The following HTR7 variants were observed in gnomAD, a reference collection of about 807,000 sequenced individuals.
HTR7 encodes 5-HT-7.
HTR7 carries 16 observed loss-of-function variants against 34.0 expected under a neutral mutation model. The observed-to-expected ratio is 0.47, with a 90% CI of 0.32 to 0.71. HTR7 has a LOEUF of 0.71. Among genes scored for constraint, HTR7 ranks in the 30% least tolerant of loss-of-function variants. The probability of loss-of-function intolerance (pLI) is 0.04; values close to 1 mark genes in which losing one functional copy is unlikely to be tolerated. For synonymous variants in HTR7, 265 were observed against 260.2 expected (o/e 1.02, Z -0.18); for missense variants, 504 against 625.5 (o/e 0.81, Z 2.07).
At chr10:90,802,996 CTT>C (rs35715510) in intron 1 of HTR7, among the ~76,000 whole-genome samples, 9 of 89,008 alleles carry the variant, frequency 1.0e-4, no homozygotes, top group East Asian at 3.3e-4. Flanking sequence ...CATTTGTGGC[CTT>C]TTTTTTTTTT....
rs11814961 is a variant in HTR7 at position 90,855,037 on chromosome 10, T to C, written c.539+2096A>G. 1.6e-3 allele frequency among the ~76,000 whole-genome samples: 251 copies of C among 152,376 alleles called. 2 individuals carry two copies. Among genetic ancestry groups the C allele is most frequent in the African/African-American group, 5.7e-3 (236 of 41,590 alleles). On this transcript the variant is annotated intron_variant, in intron 1 of 3. Coordinates refer to ENST00000336152, the MANE Select transcript of HTR7 (RefSeq NM_019859.4). ...TCTCATTTTTAGTTCTCAGTGTTCTTGGAAGAAAATCAGTCTGTGTCTTCC... is the reference window on the plus strand; with the variant it reads ...TCTCATTTTTAGTTCTCAGTGTTCTCGGAAGAAAATCAGTCTGTGTCTTCC...
At chr10:90,829,579 CTTTTTG>C (rs2120044145) in intron 1 of HTR7, among the ~76,000 whole-genome samples, 1 of 152,152 alleles carries the variant, frequency 6.6e-6, no homozygotes, top group East Asian at 1.9e-4. Context: ...AGGATCCCCA[CTTTTTG>C]CCACTGTTAT....
At chr10:90,854,763 C>T (rs1846554243) in intron 1 of HTR7, among the ~76,000 whole-genome samples, 1 of 152,080 alleles carries the variant, frequency 6.6e-6, no homozygotes, top group Admixed American at 6.5e-5. Flanking sequence ...GCTAAATGCC[C>T]AACAGATATC....
chr10:90,758,199 G>C lies in HTR7; in HGVS notation c.540-8605C>G, dbSNP rs183674789. On this transcript the variant is annotated intron_variant, in intron 1 of 3. Transcript: ENST00000336152. ...GTCTCTACTAAAAATACAAAAATTA[G>C]CTGGGCGTGGTGGCGCTGGCCTGTA... Among the ~76,000 whole-genome samples, 23 of 151,994 alleles carry C rather than the reference G, an allele frequency of 1.5e-4. 1 individual carries two copies. The East Asian group carries it at 4.4e-3, about 29-fold the overall frequency.
At chr10:90,801,175 G>A (rs1378510899) in intron 1 of HTR7, among the ~76,000 whole-genome samples, 3 of 152,198 alleles carry the variant, frequency 2.0e-5, no homozygotes, top group Non-Finnish European at 4.4e-5. Flanking sequence ...TCCAGGTAAG[G>A]AGCTGGTTTG....
intron 1 of HTR7, among the ~76,000 whole-genome samples, chr10:90,773,969 T>C (rs746374608): frequency 6.6e-6 from 1 of 152,170 alleles, no homozygotes; most frequent in Non-Finnish European, 1.5e-5. Context: ...TATTTTTTTT[T>C]CCGATCTGCC....
At chr10:90,817,474 C>T (rs893829494) in intron 1 of HTR7, among the ~76,000 whole-genome samples, 1 of 152,134 alleles carries the variant, frequency 6.6e-6, no homozygotes, top group African/African-American at 2.4e-5. Flanking sequence ...TCCTCTATTC[C>T]CATTTTCTTC....
chr10:90,822,368 G>C (rs893896948), intron 1 of HTR7, among the ~76,000 whole-genome samples: 1 of 152,216 alleles, frequency 6.6e-6, no homozygotes, highest in African/African-American at 2.4e-5. Context: ...CTGCCCTAGA[G>C]ATCTGTGGAA....
intron 1 of HTR7, among the ~76,000 whole-genome samples, chr10:90,794,963 T>C (rs1845516396): frequency 6.6e-6 from 1 of 152,236 alleles, no homozygotes; most frequent in Non-Finnish European, 1.5e-5. Context: ...CATAATCTTA[T>C]GGAACCACTG....
intron 1 of HTR7, among the ~76,000 whole-genome samples, chr10:90,818,558 A>C (rs1845932596): frequency 6.6e-6 from 1 of 151,972 alleles, no homozygotes; most frequent in Non-Finnish European, 1.5e-5. Flanking sequence ...AAAAAGAAAA[A>C]AAGTGAGTTT....
chr10:90,766,445 C>A lies in HTR7; in HGVS notation c.540-16851G>T, dbSNP rs570485382. 2.6e-5 allele frequency among the ~76,000 whole-genome samples: 4 copies of A among 152,294 alleles called. No individual in the cohort carries two copies. In the South Asian group the frequency reaches 8.3e-4, roughly 32 times the overall value. On this transcript the variant is annotated intron_variant, in intron 1 of 3. Coordinates refer to ENST00000336152, the MANE Select transcript of HTR7 (RefSeq NM_019859.4). ...AAAGCTCAAGTGAGTCTCTTGTAGG[C>A]AGCATGTTATTGGCTCTTATTTTTT...
chr10:90,792,128 T>G (rs1845468546), intron 1 of HTR7, among the ~76,000 whole-genome samples: 1 of 152,188 alleles, frequency 6.6e-6, no homozygotes, highest in Non-Finnish European at 1.5e-5. Flanking sequence ...AAGTTCATTA[T>G]ACAATCTCTG....
intron 1 of HTR7, among the ~76,000 whole-genome samples, chr10:90,764,531 T>C (rs976839530): frequency 6.6e-6 from 1 of 152,196 alleles, no homozygotes; most frequent in Admixed American, 6.5e-5. Flanking sequence ...TAGTTCTTAG[T>C]TTTTGGCAGA....
chr10:90,799,169 G>A (rs1461190236), intron 1 of HTR7, among the ~76,000 whole-genome samples: 3 of 152,036 alleles, frequency 2.0e-5, no homozygotes, highest in Admixed American at 6.6e-5. Flanking sequence ...GCAAGAAGAC[G>A]GCTTCAACTC....
chr10:90,856,926 C>T (rs1016814465), intron 1 of HTR7, among the ~76,000 whole-genome samples: 1 of 152,160 alleles, frequency 6.6e-6, no homozygotes, highest in African/African-American at 2.4e-5. Flanking sequence ...CAGAACATTT[C>T]CGGTTTTTCT....
At chr10:90,806,321 G>T (rs1845705645) in intron 1 of HTR7, among the ~76,000 whole-genome samples, 1 of 152,198 alleles carries the variant, frequency 6.6e-6, no homozygotes, top group Non-Finnish European at 1.5e-5. Context: ...AAGGTAGGCT[G>T]GGCGCGGTGG....
At chr10:90,812,941 T>C (rs1348502778) in intron 1 of HTR7, among the ~76,000 whole-genome samples, 4 of 152,124 alleles carry the variant, frequency 2.6e-5, no homozygotes, top group South Asian at 2.1e-4. Flanking sequence ...CTGATGACAT[T>C]CCACCACAAA....
chr10:90,770,278 C>T (rs1697510469), intron 1 of HTR7, among the ~76,000 whole-genome samples: 1 of 152,204 alleles, frequency 6.6e-6, no homozygotes. Context: ...CTGGGGGCCA[C>T]TGCGACAGGG....
chr10:90,857,585 G>A lies in HTR7; in HGVS notation c.87C>T (p.Pro29=). Residue 29 remains proline, a synonymous_variant, in exon 1 of 4, where the codon CCC becomes CCT. Transcript: ENST00000336152. This position sits in a 1 kb window ranked among gnomAD's most constrained non-coding sequence, Gnocchi z 6.5. ...FLLPEVGRGL[P]DLSPDGGADP... ...CGGCGCCACCGTCGGGGCTCAAGTC[G>A]GGCAGCCCGCGCCCCACTTCTGGCA... The A allele has an allele frequency of 1.3e-6, 2 of 1,594,488 alleles. No individual in the cohort carries two copies. The highest frequency in any genetic ancestry group is 2.3e-5 in the East Asian group (1 of 44,030).
Sources: gnomAD v4.1 joint callset for allele counts (sites outside exome capture counted in the v4.1 genomes callset) on GRCh38, gnomAD v4.1.1 for gene constraint, Gnocchi (gnomAD v3.1) non-coding constraint, MANE v1.5 for transcripts, NCBI Gene and HGNC (gene_info 2026-07-23, HGNC 2026-07-21) for gene names.